CHST8: variants seen among roughly 807,000 people sequenced by gnomAD.
The protein encoded by CHST8 is carbohydrate sulfotransferase 8.
CHST8 carries 10 observed loss-of-function variants against 15.0 expected under a neutral mutation model. The ratio of observed to expected loss-of-function variants is 0.67; its 90% CI spans 0.41 to 1.13. The LOEUF (loss-of-function observed/expected upper bound fraction) is 1.13, where lower values mean the gene tolerates loss of function less well. Ranked by LOEUF, CHST8 falls within the 50% of genes most tolerant of loss-of-function variation. The pLI, the probability that CHST8 is intolerant of heterozygous loss-of-function variation, is 0.00. For missense variants in CHST8, 634 were observed against 608.2 expected, an observed-to-expected ratio of 1.04 and a Z score of -0.45; for synonymous variants, 259 against 256.6, an observed-to-expected ratio of 1.01 and a Z score of -0.09.
At chr19:33,670,385 C>G (rs4805921) in intron 2 of CHST8, among the ~76,000 whole-genome samples, 2 of 152,084 alleles carry the variant, frequency 1.3e-5, no homozygotes, top group Non-Finnish European at 2.9e-5. Flanking sequence ...ACCAACTGCA[C>G]CAAACTTTCA....
intron 1 of CHST8, among the ~76,000 whole-genome samples, chr19:33,657,126 TACACACACACAC>T (rs530334678): frequency 3.1e-5 from 4 of 127,898 alleles, no homozygotes; most frequent in South Asian, 2.7e-4. Flanking sequence ...TTTGCTTTAT[TACACACACACAC>T]ACACACACAC....
intron 1 of CHST8, among the ~76,000 whole-genome samples, chr19:33,663,833 G>A (rs1472163666): frequency 2.6e-5 from 4 of 152,046 alleles, no homozygotes; most frequent in East Asian, 1.9e-4. Context: ...TCCTGCCACC[G>A]CACTCCAGCC....
At chr19:33,655,251 GGT>G (rs1972495664) in intron 1 of CHST8, among the ~76,000 whole-genome samples, 1 of 152,140 alleles carries the variant, frequency 6.6e-6, no homozygotes, top group Admixed American at 6.5e-5. Context: ...TGACCAGGCT[GGT>G]CTCGAACTCC....
At chr19:33,752,706 C>T (rs916979710) in intron 3 of CHST8, among the ~76,000 whole-genome samples, 4 of 152,160 alleles carry the variant, frequency 2.6e-5, no homozygotes, top group Admixed American at 2.6e-4. Context: ...AAAATCCTTG[C>T]CATCCAAGAC....
At chr19:33,689,645 C>T (rs962632975) in intron 3 of CHST8, among the ~76,000 whole-genome samples, 1 of 152,224 alleles carries the variant, frequency 6.6e-6, no homozygotes, top group Non-Finnish European at 1.5e-5. Flanking sequence ...AGGCTGCTGT[C>T]TATTGAGCCA....
chr19:33,758,522 G>A (rs1319145548), intron 3 of CHST8, among the ~76,000 whole-genome samples: 1 of 152,214 alleles, frequency 6.6e-6, no homozygotes, highest in Admixed American at 6.5e-5. Context: ...GGCTCTTTAG[G>A]GTATCACAGC....
At chr19:33,694,169 CATATATATAT>C (rs397842550) in intron 3 of CHST8, among the ~76,000 whole-genome samples, 1,313 of 40,010 alleles carry the variant, frequency 0.033, 24 homozygotes, top group East Asian at 0.041. Context: ...GTAGTTTATT[CATATATATAT>C]ATATATATAT....
intron 3 of CHST8, among the ~76,000 whole-genome samples, chr19:33,718,583 A>G (rs1973711877): frequency 6.6e-6 from 1 of 152,104 alleles, no homozygotes; most frequent in Admixed American, 6.6e-5. Flanking sequence ...TCATGTTGCA[A>G]TCTGGCATCT....
At chr19:33,702,078 G>A (rs557914210) in intron 3 of CHST8, among the ~76,000 whole-genome samples, 47 of 152,084 alleles carry the variant, frequency 3.1e-4, no homozygotes, top group African/African-American at 1.0e-3. Context: ...AAGTTCAAGC[G>A]ATTCTCCTGT....
chr19:33,766,891 G>T (rs917722239), intron 3 of CHST8, among the ~76,000 whole-genome samples: 1 of 152,184 alleles, frequency 6.6e-6, no homozygotes, highest in Non-Finnish European at 1.5e-5. Context: ...ATGGAAACGC[G>T]GCCACACAAA....
chr19:33,624,349 A>G (rs560175913), intron 1 of CHST8, among the ~76,000 whole-genome samples: 1 of 152,278 alleles, frequency 6.6e-6, no homozygotes, highest in South Asian at 2.1e-4. Flanking sequence ...GGCTTGGTAG[A>G]ACATCCCCCT....
At chr19:33,682,721 T>C (rs753787915) in intron 2 of CHST8, among the ~76,000 whole-genome samples, 1 of 152,254 alleles carries the variant, frequency 6.6e-6, no homozygotes, top group Non-Finnish European at 1.5e-5. Context: ...TGTTGTAGCA[T>C]GTGTTGCTAT....
chr19:33,750,421 C>T (rs1414806630), intron 3 of CHST8, among the ~76,000 whole-genome samples: 1 of 152,172 alleles, frequency 6.6e-6, no homozygotes, highest in Non-Finnish European at 1.5e-5. Context: ...GATCTGAGAG[C>T]CATCCATCCG....
intron 2 of CHST8, among the ~76,000 whole-genome samples, chr19:33,685,531 T>G (rs1972962521): frequency 6.6e-6 from 1 of 152,106 alleles, no homozygotes; most frequent in Non-Finnish European, 1.5e-5. Flanking sequence ...GGCTGGATTT[T>G]CTTATTGTCT....
At chr19:33,731,464 G>A (rs745999448) in intron 3 of CHST8, among the ~76,000 whole-genome samples, 10 of 152,266 alleles carry the variant, frequency 6.6e-5, no homozygotes, top group South Asian at 4.1e-4. Flanking sequence ...TATAATTAGC[G>A]TATAATAAGC....
chr19:33,728,376 G>A (rs1024148729), intron 3 of CHST8, among the ~76,000 whole-genome samples: 1 of 152,230 alleles, frequency 6.6e-6, no homozygotes, highest in Non-Finnish European at 1.5e-5. Flanking sequence ...TTCCTGGGTA[G>A]CAGCTGTGTC....
Position 33,689,382 on chromosome 19 carries a change from C to A in CHST8, c.121C>A (p.Gln41Lys). ...GGACCCTACGGAGCTCGCCCCCCAG[C>A]AGGTGCCAGGTGAGTCCTTGCGCTG... is the stretch of plus-strand genomic sequence containing the variant. The part of the protein sequence containing the change: ...LQDPTELAPQ[Q>K]VPGIKFNIRP... The change falls in exon 3 of 5, where the codon CAG (glutamine) becomes AAG (lysine). Residue 41 changes from glutamine (Q) to lysine (K), a missense_variant. Transcript: ENST00000650847. The A allele has an allele frequency of 6.3e-7, 1 of 1,592,338 alleles. No homozygotes were observed. The highest frequency in any genetic ancestry group is 8.5e-7 in the Non-Finnish European group (1 of 1,172,300).
At chr19:33,713,033 C>T (rs1220593129) in intron 3 of CHST8, among the ~76,000 whole-genome samples, 2 of 152,094 alleles carry the variant, frequency 1.3e-5, no homozygotes, top group Non-Finnish European at 2.9e-5. Context: ...AGCTGGGCAT[C>T]GTTGATGAGG....
chr19:33,745,708 G>A (rs1460043686), intron 3 of CHST8, among the ~76,000 whole-genome samples: 1 of 152,252 alleles, frequency 6.6e-6, no homozygotes, highest in African/African-American at 2.4e-5. Flanking sequence ...TCTGGAGCTG[G>A]GATATTCCCA....
Sources: gnomAD v4.1 joint callset for allele counts (sites outside exome capture counted in the v4.1 genomes callset) on GRCh38, gnomAD v4.1.1 for gene constraint, MANE v1.5 for transcripts, NCBI Gene and HGNC (gene_info 2026-07-23, HGNC 2026-07-21) for gene names.